Variants in TMEM232 observed in about 807,000 individuals in gnomAD.
TMEM232 encodes the protein transmembrane protein 232.
Under a neutral mutation model 78.8 loss-of-function variants are expected in TMEM232, and 80 were observed. The ratio of observed to expected loss-of-function variants is 1.01; its 90% CI spans 0.85 to 1.22. The LOEUF is 1.22. TMEM232 is among the 50% of genes most tolerant of loss of function. The pLI, the probability that TMEM232 is intolerant of heterozygous loss-of-function variation, is 0.00. For missense variants in TMEM232, 881 were observed against 742.2 expected (o/e 1.19, Z -2.17); for synonymous variants, 297 against 254.3 (o/e 1.17, Z -1.60).
At chr5:110,428,193 A>T (rs751129313) in intron 12 of TMEM232, among the ~76,000 whole-genome samples, 1 of 151,600 alleles carries the variant, frequency 6.6e-6, no homozygotes, top group Non-Finnish European at 1.5e-5. Flanking sequence ...CATGAGTTCA[A>T]TTGTTTTGAT....
intron 8 of TMEM232, among the ~76,000 whole-genome samples, chr5:110,614,111 T>C (rs911169869): frequency 1.3e-5 from 2 of 152,104 alleles, no homozygotes; most frequent in Non-Finnish European, 2.9e-5. Flanking sequence ...ATTATTGTTT[T>C]CCTTTCTATT....
chr5:110,420,926 T>A (rs1756566467), intron 13 of TMEM232, among the ~76,000 whole-genome samples, 170 bp from the exon 14 acceptor site: 1 of 151,722 alleles, frequency 6.6e-6, no homozygotes. Flanking sequence ...TGTCACCTAT[T>A]AGAATGCATG....
chr5:110,700,068 A>G (rs567659798), intron 1 of TMEM232, among the ~76,000 whole-genome samples: 6 of 152,168 alleles, frequency 3.9e-5, no homozygotes, highest in South Asian at 4.1e-4. Context: ...AAAATCCACT[A>G]AGCAATTTTC....
At position 110,697,215 on chromosome 5, in the gene TMEM232, G is replaced by T. The variant is rs554570258; in HGVS notation, c.-13+29412C>A. Among the ~76,000 whole-genome samples, 15 of 152,134 alleles carry T rather than the reference G, an allele frequency of 9.9e-5. No individual in the cohort carries two copies. The East Asian group carries it at 2.5e-3, about 26-fold the overall frequency. ...AATGGGGAAAGGATTCCCTATTTAA[G>T]AAATGGTGCTGGGAAAACTGGCTAG... On this transcript the variant is annotated intron_variant, in intron 1 of 13. Transcript: ENST00000455884.
chr5:110,433,961 C>G (rs1758132641), intron 12 of TMEM232, among the ~76,000 whole-genome samples: 1 of 151,676 alleles, frequency 6.6e-6, no homozygotes, highest in Non-Finnish European at 1.5e-5. Context: ...ATGTCTTTGC[C>G]AGATTTTGGT....
At chr5:110,610,030 A>G (rs1781990779) in intron 8 of TMEM232, among the ~76,000 whole-genome samples, 1 of 152,026 alleles carries the variant, frequency 6.6e-6, no homozygotes, top group South Asian at 2.1e-4. Context: ...TGCCGAGATG[A>G]AAGGTAGTAG....
chr5:110,436,623 T>C (rs1036016945), intron 12 of TMEM232, among the ~76,000 whole-genome samples: 2 of 152,112 alleles, frequency 1.3e-5, no homozygotes. Flanking sequence ...CATTTTGATT[T>C]GATTTTTGCA....
chr5:110,636,958 T>C (rs888689944), intron 5 of TMEM232, among the ~76,000 whole-genome samples: 5 of 151,858 alleles, frequency 3.3e-5, no homozygotes, highest in Non-Finnish European at 5.9e-5. Flanking sequence ...ATTTTTTTCT[T>C]GCTAGCAGAA....
intron 12 of TMEM232, among the ~76,000 whole-genome samples, chr5:110,498,306 C>G (rs1335540225): frequency 1.3e-5 from 2 of 152,008 alleles, no homozygotes; most frequent in Non-Finnish European, 1.5e-5. Context: ...TGGAATTGAT[C>G]AAAATAAAAA....
chr5:110,547,270 G>C (rs1773894564), intron 11 of TMEM232, among the ~76,000 whole-genome samples: 1 of 152,094 alleles, frequency 6.6e-6, no homozygotes, highest in African/African-American at 2.4e-5. Context: ...AATGTAAATA[G>C]ATGTTTGTTC....
chr5:110,620,627 CTCT>C (rs1783560150), intron 7 of TMEM232, among the ~76,000 whole-genome samples: 2 of 104,596 alleles, frequency 1.9e-5, no homozygotes, highest in Admixed American at 1.0e-4. Flanking sequence ...CTCTCTCTCT[CTCT>C]CTCTCTCTCC....
intron 3 of TMEM232, among the ~76,000 whole-genome samples, chr5:110,394,520 A>G (rs897537341): frequency 1.3e-5 from 2 of 152,208 alleles, no homozygotes; most frequent in Admixed American, 6.5e-5. Flanking sequence ...GCTGTTCTCC[A>G]TAGTGGTTGT....
chr5:110,550,877 TAA>T (rs776156374), intron 11 of TMEM232, among the ~76,000 whole-genome samples: 18 of 123,198 alleles, frequency 1.5e-4, no homozygotes, highest in Non-Finnish European at 1.7e-4. Context: ...AATGTTACAG[TAA>T]AAAAAAAAAA....
At chr5:110,570,493 G>T (rs899501143) in intron 10 of TMEM232, among the ~76,000 whole-genome samples, 19 of 151,942 alleles carry the variant, frequency 1.3e-4, no homozygotes, top group African/African-American at 4.6e-4. Context: ...GATGGTCATT[G>T]ATATAACAAT....
chr5:110,713,181 T>C (rs948147248), intron 1 of TMEM232, among the ~76,000 whole-genome samples: 4 of 151,828 alleles, frequency 2.6e-5, no homozygotes, highest in African/African-American at 7.3e-5. Context: ...TTCACTTATT[T>C]GTGGGATCTA....
chr5:110,727,246 C>T (rs932194277), upstream of TMEM232, among the ~76,000 whole-genome samples: 2 of 152,140 alleles, frequency 1.3e-5, no homozygotes, highest in Non-Finnish European at 2.9e-5. Flanking sequence ...TAACGAGCAA[C>T]TGTATATATT....
At chr5:110,582,911 T>A (rs113264820) in intron 10 of TMEM232, among the ~76,000 whole-genome samples, 7 of 151,966 alleles carry the variant, frequency 4.6e-5, no homozygotes, top group African/African-American at 1.7e-4. Flanking sequence ...ACATTTATGA[T>A]AGCAACAAAA....
chr5:110,615,278 C>T (rs1163199726), intron 8 of TMEM232, among the ~76,000 whole-genome samples: 1 of 151,930 alleles, frequency 6.6e-6, no homozygotes, highest in African/African-American at 2.4e-5. Flanking sequence ...TTTACATATA[C>T]AAAGGCCTTT....
intron 12 of TMEM232, among the ~76,000 whole-genome samples, chr5:110,463,966 C>T (rs919324732): frequency 2.0e-5 from 3 of 152,216 alleles, no homozygotes; most frequent in African/African-American, 7.2e-5. Context: ...TTGAAATACT[C>T]ATCTTCCAGG....
Sources: allele counts gnomAD v4.1 joint callset (sites outside exome capture counted in the v4.1 genomes callset), GRCh38; gene constraint gnomAD v4.1.1; transcripts MANE v1.5; gene names NCBI Gene and HGNC (gene_info 2026-07-23, HGNC 2026-07-21).